CLCN3: variants seen among roughly 807,000 people sequenced by gnomAD.
CLCN3 encodes Cl-/H+ antiporter 3, also known as H(+)/Cl(-) exchange transporter 3.
Under a neutral mutation model 83.4 loss-of-function variants are expected in CLCN3, and 16 were observed. The ratio of observed to expected loss-of-function variants is 0.19; its 90% CI spans 0.13 to 0.29. CLCN3 has a LOEUF of 0.29. Ranked by LOEUF, CLCN3 falls within the 10% of genes least tolerant of loss-of-function variation. The probability of loss-of-function intolerance (pLI) is 1.00; values close to 1 mark genes in which losing one functional copy is unlikely to be tolerated. For missense variants in CLCN3, 544 were observed against 1,006.0 expected (o/e 0.54, Z 6.21); for synonymous variants, 322 against 346.2 (o/e 0.93, Z 0.78).
intron 3 of CLCN3, among the ~76,000 whole-genome samples, chr4:169,687,422 GA>G (rs199706044): frequency 1.1e-4 from 17 of 151,924 alleles, no homozygotes; most frequent in Admixed American, 3.9e-4. Flanking sequence ...CTCATTGAAA[GA>G]AAAAAAATTT....
At chr4:169,695,836 T>G (rs971006038) in intron 8 of CLCN3, 144 bp downstream of exon 8, 5 of 549,046 alleles carry the variant, frequency 9.1e-6, no homozygotes, top group African/African-American at 7.7e-5. Context: ...CACTCATTCT[T>G]AATAAAAAGT....
At chr4:169,635,158 C>T (rs1334565900) in intron 1 of CLCN3, among the ~76,000 whole-genome samples, 1 of 152,132 alleles carries the variant, frequency 6.6e-6, no homozygotes, top group Non-Finnish European at 1.5e-5. Flanking sequence ...TCTTGTTTTA[C>T]AAGGCTTACT....
chr4:169,722,732 A>G lies in CLCN3; in HGVS notation c.*2735A>G, dbSNP rs1398005706. On this transcript the variant is annotated 3_prime_UTR_variant, in exon 13 of 13. Coordinates refer to ENST00000513761, the MANE Select transcript of CLCN3 (RefSeq NM_001829.4). ...TGTTTTTTGGTATATTTCTATCCCT[A>G]GTATTTCTATCTTACTGCTAAAATA... is the stretch of plus-strand genomic sequence containing the variant. 1 of 152,198 alleles carries G rather than the reference A, an allele frequency of 6.6e-6. No individual in the cohort carries two copies. The highest frequency in any genetic ancestry group is 1.5e-5 in the Non-Finnish European group (1 of 68,026). The allele number at this position is 152,198 out of a possible 1,614,324, so 9.4% of individuals were successfully genotyped here. A position where few individuals can be genotyped will look rare whatever the true frequency, so the allele number is the denominator to read the frequency against.
At chr4:169,675,967 A>G (rs1731659978) in intron 2 of CLCN3, among the ~76,000 whole-genome samples, 1 of 152,196 alleles carries the variant, frequency 6.6e-6, no homozygotes, top group Admixed American at 6.5e-5. Context: ...GTGTGCTTAT[A>G]CATATATGTA....
chr4:169,654,588 A>G (rs949419128), intron 2 of CLCN3, among the ~76,000 whole-genome samples: 1 of 152,072 alleles, frequency 6.6e-6, no homozygotes, highest in African/African-American at 2.4e-5. Context: ...AATCATTTTT[A>G]ACGTTTATAA....
chr4:169,672,570 G>A (rs1375777855), intron 2 of CLCN3, among the ~76,000 whole-genome samples: 3 of 152,050 alleles, frequency 2.0e-5, no homozygotes, highest in Non-Finnish European at 2.9e-5. Flanking sequence ...GGTGAAATTG[G>A]ATATACTGTT....
intron 2 of CLCN3, among the ~76,000 whole-genome samples, chr4:169,676,936 A>C (rs965662054): frequency 1.3e-5 from 2 of 152,050 alleles, no homozygotes; most frequent in African/African-American, 2.4e-5. Flanking sequence ...ACCATAGCCT[A>C]ATTTATTTCA....
At chr4:169,691,263 C>T (rs1329428143) in intron 6 of CLCN3, among the ~76,000 whole-genome samples, 17 of 151,962 alleles carry the variant, frequency 1.1e-4, no homozygotes, top group Non-Finnish European at 2.5e-4. Flanking sequence ...AGTGATCACC[C>T]GCCTCAGCCT....
chr4:169,691,800 C>T (rs1181508382), intron 6 of CLCN3, among the ~76,000 whole-genome samples: 1 of 151,822 alleles, frequency 6.6e-6, no homozygotes, highest in Non-Finnish European at 1.5e-5. Context: ...TTCAAATTTG[C>T]CCTTTTTTTG....
Position 169,721,090 on chromosome 4 carries a change from A to T in CLCN3, c.*1093A>T, listed in dbSNP as rs1733624512. ...AGATCAGTCATTCTTTTCTTTTCTC[A>T]AGATATCTCATGGCTGACACTGAAG... On this transcript the variant is annotated 3_prime_UTR_variant, in exon 13 of 13. Coordinates refer to ENST00000513761, the MANE Select transcript of CLCN3 (RefSeq NM_001829.4). The T allele has an allele frequency of 6.6e-6, 1 of 152,254 alleles. No homozygotes were observed. The highest frequency in any genetic ancestry group is 1.5e-5 in the Non-Finnish European group (1 of 68,036). The allele number at this position is 152,254 out of a possible 1,614,324, so 9.4% of individuals were successfully genotyped here.
At chr4:169,633,393 A>G (rs895469889) in intron 1 of CLCN3, among the ~76,000 whole-genome samples, 2 of 152,224 alleles carry the variant, frequency 1.3e-5, no homozygotes, top group Non-Finnish European at 2.9e-5. Context: ...GATTATAAGT[A>G]TATTTTTGGT....
intron 11 of CLCN3, 31 bp from the exon 12 acceptor site, chr4:169,713,048 A>G (rs1482529730): frequency 1.4e-5 from 21 of 1,540,966 alleles, no homozygotes; most frequent in Non-Finnish European, 1.7e-5. Flanking sequence ...CTATCAGTTT[A>G]AAAGTGTTGG....
chr4:169,709,300 T>C (rs1402313347), intron 11 of CLCN3, among the ~76,000 whole-genome samples: 2 of 151,622 alleles, frequency 1.3e-5, no homozygotes, highest in Non-Finnish European at 2.9e-5. Context: ...TCCTGTTTCA[T>C]ACTAAAGCAG....
intron 2 of CLCN3, among the ~76,000 whole-genome samples, chr4:169,670,415 C>T (rs1731412075): frequency 6.6e-6 from 1 of 152,104 alleles, no homozygotes; most frequent in Admixed American, 6.5e-5. Context: ...TGCTGAAGAT[C>T]AGATGATTGT....
chr4:169,663,366 A>C (rs1731133313), intron 2 of CLCN3, among the ~76,000 whole-genome samples: 1 of 150,880 alleles, frequency 6.6e-6, no homozygotes. Context: ...GAGAGGTATC[A>C]CTTTTTCACC....
intron 2 of CLCN3, among the ~76,000 whole-genome samples, chr4:169,648,368 AG>A (rs2150210725): frequency 6.6e-6 from 1 of 152,352 alleles, no homozygotes; most frequent in African/African-American, 2.4e-5. Flanking sequence ...TCCAAAATGA[AG>A]TTTATTTTTA....
chr4:169,623,408 A>G (rs1222275985), intron 1 of CLCN3, among the ~76,000 whole-genome samples: 1 of 152,074 alleles, frequency 6.6e-6, no homozygotes, highest in African/African-American at 2.4e-5. Context: ...ATCATTGTGT[A>G]TATTTATGGG....
chr4:169,713,051 A>G (rs1418845752), intron 11 of CLCN3, 28 bp from the exon 12 acceptor site: 4 of 1,557,870 alleles, frequency 2.6e-6, no homozygotes, highest in Non-Finnish European at 2.7e-6. Flanking sequence ...TCAGTTTAAA[A>G]GTGTTGGTCT....
chr4:169,702,593 A>G (rs570421251), intron 9 of CLCN3, among the ~76,000 whole-genome samples: 23 of 151,850 alleles, frequency 1.5e-4, no homozygotes, highest in African/African-American at 5.3e-4. Flanking sequence ...GGATTACTTA[A>G]AAAAAAAGTC....
Sources: gnomAD v4.1 joint callset for allele counts (sites outside exome capture counted in the v4.1 genomes callset) on GRCh38, gnomAD v4.1.1 for gene constraint, MANE v1.5 for transcripts, NCBI Gene and HGNC (gene_info 2026-07-23, HGNC 2026-07-21) for gene names.